Variants in PKP1 observed in about 807,000 individuals in gnomAD.
PKP1 encodes plakophilin-1.
A neutral mutation model predicts 76.4 loss-of-function variants in PKP1; 27 were observed. That is an observed-to-expected ratio of 0.35 (90% CI 0.26 to 0.49). The LOEUF (loss-of-function observed/expected upper bound fraction) is 0.49, where lower values mean the gene tolerates loss of function less well. Ranked by LOEUF, PKP1 falls within the 20% of genes least tolerant of loss-of-function variation. PKP1 has a pLI of 0.99. For synonymous variants in PKP1, 404 were observed against 384.2 expected (o/e 1.05, Z -0.60); for missense variants, 964 against 955.2 (o/e 1.01, Z -0.12).
At chr1:201,325,215 T>A (rs1657079586) in intron 11 of PKP1, 88 bp downstream of exon 11, 1 of 1,358,618 alleles carries the variant, frequency 7.4e-7, no homozygotes, top group African/African-American at 1.4e-5. Context: ...CAGCTCTCCA[T>A]GGAGTAGGGG....
In PKP1 at chr1:201,322,088, G is replaced by T. The variant is rs1269805388; in HGVS notation, c.1458G>T (p.Glu486Asp). Residue 486 changes from glutamate (E) to aspartate (D), a missense_variant, in exon 8 of 14, where the codon GAG becomes GAT. Coordinates refer to ENST00000367324, the MANE Select transcript of PKP1 (RefSeq NM_001005337.3). ...ATAACGCCCGCAACGCCTACACCGA[G>T]AAGTCCTCCACTGGCTGCTTCAGCA... ...LEYNARNAYTEKSSTGCFSNK... is the reference protein window; with the variant it reads ...LEYNARNAYTDKSSTGCFSNK... 6 of 1,613,018 alleles carry T rather than the reference G, an allele frequency of 3.7e-6. No individual in the cohort carries two copies. Among genetic ancestry groups the T allele is most frequent in the Non-Finnish European group, 5.1e-6 (6 of 1,180,026 alleles).
chr1:201,301,399 G>A (rs770698882), intron 2 of PKP1, among the ~76,000 whole-genome samples: 2 of 152,170 alleles, frequency 1.3e-5, no homozygotes, highest in Non-Finnish European at 2.9e-5. Context: ...CCTTCCTTTA[G>A]CTTCACTAAT....
intron 1 of PKP1, among the ~76,000 whole-genome samples, chr1:201,285,355 A>G (rs1477472703): frequency 1.3e-5 from 2 of 151,714 alleles, no homozygotes; most frequent in Non-Finnish European, 2.9e-5. Flanking sequence ...CGAGGGAAGG[A>G]AAATGGCCGG....
At chr1:201,291,508 A>C (rs1043101194) in intron 1 of PKP1, among the ~76,000 whole-genome samples, 17 of 151,820 alleles carry the variant, frequency 1.1e-4, no homozygotes, top group Admixed American at 4.6e-4. Flanking sequence ...GCGGGAGGAG[A>C]TGGTTAGTCT....
chr1:201,284,791 C>A (rs1655680898), intron 1 of PKP1, among the ~76,000 whole-genome samples: 1 of 152,130 alleles, frequency 6.6e-6, no homozygotes, highest in Non-Finnish European at 1.5e-5. Flanking sequence ...CCCCCCGGGC[C>A]CCAGGGAGAC....
chr1:201,313,750 C>G (rs1382562562), intron 3 of PKP1, among the ~76,000 whole-genome samples, 190 bp downstream of exon 3: 2 of 152,222 alleles, frequency 1.3e-5, no homozygotes, highest in Non-Finnish European at 2.9e-5. Context: ...CCCTTGAACT[C>G]AAGAAGTTCT....
At chr1:201,321,842 G>C (rs561750274) in intron 7 of PKP1, 136 bp from the exon 8 acceptor site, 1 of 930,272 alleles carries the variant, frequency 1.1e-6, no homozygotes, top group Non-Finnish European at 1.7e-6. Flanking sequence ...CAGGCTGATA[G>C]TGTGGTGGTG....
chr1:201,323,010 C>T lies in PKP1; in HGVS notation c.1504-3C>T. On this transcript the variant is annotated splice_region_variant and splice_polypyrimidine_tract_variant and intron_variant, in intron 8 of 13. Transcript: ENST00000367324. ...ACCCCCCTGACCGGCTCTTTATCCT[C>T]AGAACAACAACTATGACTGCCCCCT... 1 of 1,613,938 alleles carries T rather than the reference C, an allele frequency of 6.2e-7. No individual in the cohort carries two copies. The highest frequency in any genetic ancestry group is 8.5e-7 in the Non-Finnish European group (1 of 1,179,916).
chr1:201,287,860 A>G (rs900576828), intron 1 of PKP1, among the ~76,000 whole-genome samples: 5 of 152,242 alleles, frequency 3.3e-5, no homozygotes, highest in African/African-American at 9.6e-5. Context: ...AAGATGTGTA[A>G]TGTTTGAACA....
intron 2 of PKP1, among the ~76,000 whole-genome samples, chr1:201,299,038 A>G (rs1424784422): frequency 6.6e-6 from 1 of 152,190 alleles, no homozygotes; most frequent in Non-Finnish European, 1.5e-5. Flanking sequence ...AGTGTCCACA[A>G]GGGCAGAGCC....
At chr1:201,327,708 G>T (rs1440579426) in intron 12 of PKP1, among the ~76,000 whole-genome samples, 1 of 151,840 alleles carries the variant, frequency 6.6e-6, no homozygotes, top group Non-Finnish European at 1.5e-5. Flanking sequence ...TCCCCATTCA[G>T]TCTCCACTCC....
At position 201,318,775 on chromosome 1, in the gene PKP1, C is replaced by T. The variant is rs200023228; in HGVS notation, c.1212C>T (p.Phe404=). 7.5e-6 allele frequency: 12 copies of T among 1,607,056 alleles called. No individual in the cohort carries two copies. The East Asian group carries it at 2.2e-4, about 30-fold the overall frequency. ...AAGTGGTGGACCCTGAGGTCTTCTT[C>T]AATGCCACAGGCTGCTTGAGGTGAG... ...SREVVDPEVF[F]NATGCLRNLS... is the part of the protein sequence containing the mutation. Residue 404 remains phenylalanine, a synonymous_variant, in exon 6 of 14, where the codon TTC becomes TTT. Coordinates refer to ENST00000367324, the MANE Select transcript of PKP1 (RefSeq NM_001005337.3).
At chr1:201,310,897 C>T (rs1359010741) in intron 2 of PKP1, among the ~76,000 whole-genome samples, 1 of 152,224 alleles carries the variant, frequency 6.6e-6, no homozygotes, top group African/African-American at 2.4e-5. Context: ...TCCCTGTGGG[C>T]AGCCCACCCT....
In PKP1 at chr1:201,323,036, G is replaced by A; in HGVS notation, c.1527G>A (p.Leu509=). ...AGAACAACAACTATGACTGCCCCCT[G>A]CCTGAGGAAGAGACCAACCCCAAGG... The part of the protein sequence containing the change: ...KMMNNNYDCP[L]PEEETNPKGS... Residue 509 remains leucine (L), a synonymous_variant, in exon 9 of 14, where the codon CTG becomes CTA. Transcript: ENST00000367324. The A allele has an allele frequency of 6.2e-7, 1 of 1,614,122 alleles. No individual in the cohort carries two copies. Among genetic ancestry groups the A allele is most frequent in the Non-Finnish European group, 8.5e-7 (1 of 1,180,014 alleles).
rs146142021 is a variant in PKP1, at chr1:201,289,076, C to T, written c.203-4866C>T. ...CTGCCGAGTTGGGGAGGCATGTCCA[C>T]GGTGCTCCCAGCAGCCCAGCAGAGG... is the stretch of plus-strand genomic sequence containing the variant. On this transcript the variant is annotated intron_variant, in intron 1 of 13. Coordinates refer to ENST00000367324, the MANE Select transcript of PKP1 (RefSeq NM_001005337.3). 1.6e-4 allele frequency among the ~76,000 whole-genome samples: 24 copies of T among 152,334 alleles called. No individual in the cohort carries two copies. The East Asian group carries it at 3.5e-3, about 22-fold the overall frequency.
intron 2 of PKP1, 75 bp downstream of exon 2, chr1:201,294,120 G>C: frequency 1.0e-6 from 1 of 965,718 alleles, no homozygotes; most frequent in Non-Finnish European, 1.6e-6. Flanking sequence ...GGAGAAAACC[G>C]GCACCAGTTG....
In PKP1 at chr1:201,322,996, C is replaced by A. The variant is rs375854606; in HGVS notation, c.1504-17C>A. ...AAGGCTCCCCATTGACCCCCCTGACCGGCTCTTTATCCTCAGAACAACAAC... is the reference window on the plus strand; with the variant it reads ...AAGGCTCCCCATTGACCCCCCTGACAGGCTCTTTATCCTCAGAACAACAAC... On this transcript the variant is annotated splice_polypyrimidine_tract_variant and intron_variant, in intron 8 of 13. Coordinates refer to ENST00000367324, the MANE Select transcript of PKP1 (RefSeq NM_001005337.3). 6.2e-7 allele frequency: 1 copy of A among 1,613,324 alleles called. No homozygotes were observed. Among genetic ancestry groups the A allele is most frequent in the Non-Finnish European group, 8.5e-7 (1 of 1,179,552 alleles).
chr1:201,316,447 G>C, intron 3 of PKP1, 106 bp from the exon 4 acceptor site: 1 of 1,221,632 alleles, frequency 8.2e-7, no homozygotes, highest in Non-Finnish European at 1.2e-6. Context: ...GCTCTCCAGA[G>C]GGCAGATGAG....
At chr1:201,328,372 G>T in intron 12 of PKP1, 1 of 340,034 alleles carries the variant, frequency 2.9e-6, no homozygotes, top group South Asian at 2.5e-5. Flanking sequence ...CTGCCCAAGA[G>T]CTCTTGTCAG....
Sources: gnomAD v4.1 joint callset for allele counts (sites outside exome capture counted in the v4.1 genomes callset) on GRCh38, gnomAD v4.1.1 for gene constraint, MANE v1.5 for transcripts, NCBI Gene and HGNC (gene_info 2026-07-23, HGNC 2026-07-21) for gene names.